Variants in FHIP1A observed in about 807,000 individuals in gnomAD.
FHIP1A encodes FHF complex subunit HOOK interacting protein 1A.
FHIP1A carries 61 observed loss-of-function variants against 88.6 expected under a neutral mutation model. The ratio of observed to expected loss-of-function variants is 0.69; its 90% confidence interval spans 0.56 to 0.85. The LOEUF is 0.85. Ranked by LOEUF, FHIP1A falls within the 40% of genes least tolerant of loss-of-function variation. FHIP1A has a pLI of 0.00. For synonymous variants in FHIP1A, 478 were observed against 496.0 expected (o/e 0.96, Z 0.48); for missense variants, 1,154 against 1,273.5 (o/e 0.91, Z 1.43).
At chr4:151,411,343 A>ATTTTTTTTTTTTTTTTTTT (rs370374898) in intron 1 of FHIP1A, among the ~76,000 whole-genome samples, 1 of 112,180 alleles carries the variant, frequency 8.9e-6, no homozygotes, top group Non-Finnish European at 1.8e-5. Flanking sequence ...GTGAAATTAT[A>ATTTTTTTTTTTTTTTTTTT]TATATATTTT....
intron 4 of FHIP1A, among the ~76,000 whole-genome samples, chr4:151,571,480 T>A (rs1334128608): frequency 6.6e-6 from 1 of 152,158 alleles, no homozygotes; most frequent in Non-Finnish European, 1.5e-5. Context: ...GTTAATTAAG[T>A]CAAATGTCTT....
chr4:151,447,868 A>C (rs1013712994), intron 1 of FHIP1A, among the ~76,000 whole-genome samples: 1 of 152,130 alleles, frequency 6.6e-6, no homozygotes, highest in African/African-American at 2.4e-5. Context: ...GGAGAAACCA[A>C]CCTTGCCTGC....
At chr4:151,451,809 T>TC (rs1010241514) in intron 1 of FHIP1A, among the ~76,000 whole-genome samples, 17 of 151,452 alleles carry the variant, frequency 1.1e-4, no homozygotes, top group Admixed American at 3.9e-4. Context: ...TTTCTTTCTT[T>TC]TTTTTCTTTC....
chr4:151,498,074 T>G lies in FHIP1A; in HGVS notation c.-123+15426T>G, dbSNP rs144722638. ...CCACTGACCCCCTCTCTCTGCTCAT[T>G]GGCTGTAATTCCCATCTGTGTTTTT... On this transcript the variant is annotated intron_variant, in intron 3 of 13. Transcript: ENST00000435205. Among the ~76,000 whole-genome samples, 462 of 152,330 alleles carry G rather than the reference T, an allele frequency of 3.0e-3. 2 individuals are homozygous for G. The highest frequency in any genetic ancestry group is 9.5e-3 in the African/African-American group (397 of 41,574).
chr4:151,523,075 C>T (rs1560746709), intron 3 of FHIP1A, among the ~76,000 whole-genome samples: 1 of 152,068 alleles, frequency 6.6e-6, no homozygotes, highest in Non-Finnish European at 1.5e-5. Context: ...AAATGCAGTC[C>T]CTTTGTTGCT....
chr4:151,453,469 A>C (rs1322483300), intron 1 of FHIP1A, among the ~76,000 whole-genome samples: 5 of 152,238 alleles, frequency 3.3e-5, no homozygotes, highest in Non-Finnish European at 7.3e-5. Context: ...ATAATAATGG[A>C]GATAATGATA....
intron 2 of FHIP1A, among the ~76,000 whole-genome samples, chr4:151,470,684 A>G (rs1412664360): frequency 6.6e-6 from 1 of 152,194 alleles, no homozygotes; most frequent in Admixed American, 6.5e-5. Context: ...GTATAATACA[A>G]TGAGAATAAA....
chr4:151,562,024 A>C (rs1298351831), intron 3 of FHIP1A, among the ~76,000 whole-genome samples: 2 of 152,202 alleles, frequency 1.3e-5, no homozygotes, highest in African/African-American at 4.8e-5. Flanking sequence ...CTGCTTACTT[A>C]AGTGACATTC....
intron 3 of FHIP1A, among the ~76,000 whole-genome samples, chr4:151,533,406 C>A (rs1209148472): frequency 3.5e-5 from 5 of 142,668 alleles, no homozygotes; most frequent in Non-Finnish European, 6.1e-5. Flanking sequence ...CAGATCGAGG[C>A]CCTGTCTCAA....
chr4:151,630,469 A>G (rs1736115237), intron 8 of FHIP1A, among the ~76,000 whole-genome samples: 1 of 152,188 alleles, frequency 6.6e-6, no homozygotes, highest in Admixed American at 6.5e-5. Flanking sequence ...TATAACAATA[A>G]TTGCACAAAG....
chr4:151,446,637 C>T (rs60707008), intron 1 of FHIP1A, among the ~76,000 whole-genome samples: 16,524 of 124,800 alleles, frequency 0.13, 1,000 homozygotes, highest in African/African-American at 0.16. Flanking sequence ...TGGGAAGTTT[C>T]GGTGCTTTAA....
chr4:151,527,168 C>A (rs1290690947), intron 3 of FHIP1A, among the ~76,000 whole-genome samples: 1 of 152,202 alleles, frequency 6.6e-6, no homozygotes, highest in African/African-American at 2.4e-5. Context: ...GAGGCCAAGG[C>A]AGGCTGCTGG....
intron 1 of FHIP1A, among the ~76,000 whole-genome samples, chr4:151,412,872 T>TG (rs1732721743): frequency 6.6e-6 from 1 of 151,512 alleles, no homozygotes; most frequent in Non-Finnish European, 1.5e-5. Context: ...TAAGTAGAGA[T>TG]GGGGTTCCTC....
At chr4:151,589,930 T>C (rs1189349338) in intron 7 of FHIP1A, among the ~76,000 whole-genome samples, 1 of 152,226 alleles carries the variant, frequency 6.6e-6, no homozygotes, top group African/African-American at 2.4e-5. Context: ...TCATCTTTGA[T>C]GTGGTTTAAA....
intron 1 of FHIP1A, among the ~76,000 whole-genome samples, chr4:151,427,442 A>G (rs1266414476): frequency 1.3e-5 from 2 of 152,130 alleles, no homozygotes; most frequent in African/African-American, 4.8e-5. Context: ...ATATGAGACT[A>G]GTAAAACCCA....
Position 151,656,801 on chromosome 4 carries a change from T to C in FHIP1A, c.2772T>C (p.Ser924=). 6.4e-7 allele frequency: 1 copy of C among 1,551,736 alleles called. No homozygotes were observed. Among genetic ancestry groups the C allele is most frequent in the Non-Finnish European group, 8.7e-7 (1 of 1,146,976 alleles). Residue 924 remains serine (S), a synonymous_variant, in exon 13 of 14, where the codon TCT becomes TCC. Transcript: ENST00000435205. The surrounding 1 kb of genome is among the most constrained non-coding windows in gnomAD (Gnocchi z 4.2). ...AAAACAAGATTGAACAGTTTGCTTCTGTGGAGAGAGACTTCCCAGGGCTCC... is the reference window on the plus strand; with the variant it reads ...AAAACAAGATTGAACAGTTTGCTTCCGTGGAGAGAGACTTCCCAGGGCTCC... ...SVKNKIEQFA[S]VERDFPGLLI...
chr4:151,635,588 G>A (rs1171659062), intron 8 of FHIP1A, among the ~76,000 whole-genome samples: 1 of 151,800 alleles, frequency 6.6e-6, no homozygotes, highest in East Asian at 1.9e-4. Flanking sequence ...CTACAACACG[G>A]ATGATCTTTG....
intron 7 of FHIP1A, among the ~76,000 whole-genome samples, chr4:151,617,126 A>C (rs1735570506): frequency 6.6e-6 from 1 of 152,080 alleles, no homozygotes; most frequent in Non-Finnish European, 1.5e-5. Context: ...AGCTCAACAA[A>C]ATGACAAGTT....
intron 1 of FHIP1A, among the ~76,000 whole-genome samples, chr4:151,437,503 G>C (rs1485597035): frequency 6.6e-6 from 1 of 152,120 alleles, no homozygotes; most frequent in Non-Finnish European, 1.5e-5. Context: ...AAGATAAAGG[G>C]CTTGTTTGGA....
Sources: gnomAD v4.1 joint callset for allele counts (sites outside exome capture counted in the v4.1 genomes callset) on GRCh38, gnomAD v4.1.1 for gene constraint, Gnocchi (gnomAD v3.1) non-coding constraint, MANE v1.5 for transcripts, NCBI Gene and HGNC (gene_info 2026-07-23, HGNC 2026-07-21) for gene names.